The following EIPR1 variants were observed in gnomAD, a reference collection of about 807,000 sequenced individuals.
EIPR1 encodes EARP and GARP complex-interacting protein 1.
EIPR1 carries 25 observed loss-of-function variants against 48.1 expected under a neutral mutation model. The observed-to-expected ratio is 0.52, with a 90% CI of 0.38 to 0.73. EIPR1 has a LOEUF of 0.73. Ranked by LOEUF, EIPR1 falls within the 30% of genes least tolerant of loss-of-function variation. The pLI, the probability that EIPR1 is intolerant of heterozygous loss-of-function variation, is 0.00. For synonymous variants in EIPR1, 204 were observed against 201.9 expected (o/e 1.01, Z -0.09); for missense variants, 415 against 506.2 (o/e 0.82, Z 1.73).
intron 4 of EIPR1, among the ~76,000 whole-genome samples, chr2:3,256,577 GAC>G (rs764100104): frequency 6.6e-6 from 1 of 152,222 alleles, no homozygotes; most frequent in South Asian, 2.1e-4. Context: ...GTCTCTTGCA[GAC>G]ACACACGCAC....
chr2:3,189,567 G>C lies in EIPR1; in HGVS notation c.990-59C>G. On this transcript the variant is annotated intron_variant, in intron 8 of 8. Coordinates refer to ENST00000382125, the MANE Select transcript of EIPR1 (RefSeq NM_003310.5). The surrounding 1 kb of genome is among the most constrained non-coding windows in gnomAD (Gnocchi z 4.6). The stretch of plus-strand genomic sequence containing the variant: ...AGCTCCGGCGGGGCGGGCAGGAGAG[G>C]GGCAGGGAGGACGCGAGCGCTGACA... 3 of 1,455,230 alleles carry C rather than the reference G, an allele frequency of 2.1e-6. No homozygotes were observed. Among genetic ancestry groups the C allele is most frequent in the East Asian group, 5.0e-5 (2 of 39,768 alleles). 90.1% of individuals were successfully genotyped at this position (1,455,230 alleles called of 1,614,324 possible).
chr2:3,314,955 G>A (rs1267062981), intron 3 of EIPR1, among the ~76,000 whole-genome samples: 5 of 151,834 alleles, frequency 3.3e-5, no homozygotes, highest in Non-Finnish European at 2.9e-5. Context: ...CTGCCCTGGC[G>A]GTGTCCACAC....
At chr2:3,323,079 T>C (rs2103327886) in intron 3 of EIPR1, among the ~76,000 whole-genome samples, 1 of 150,660 alleles carries the variant, frequency 6.6e-6, no homozygotes, top group Middle Eastern at 3.4e-3. Flanking sequence ...AAGCTAATCT[T>C]ATATTACAGT....
intron 3 of EIPR1, among the ~76,000 whole-genome samples, chr2:3,302,515 G>C (rs1199238119): frequency 6.6e-6 from 1 of 152,198 alleles, no homozygotes; most frequent in African/African-American, 2.4e-5. Context: ...GTTCTTTTCT[G>C]TTGGCTGCTT....
At chr2:3,204,512 T>C (rs2103120389) in intron 5 of EIPR1, among the ~76,000 whole-genome samples, 1 of 152,310 alleles carries the variant, frequency 6.6e-6, no homozygotes, top group South Asian at 2.1e-4. Flanking sequence ...GTGCAATGCA[T>C]GCAGTAATCT....
intron 3 of EIPR1, among the ~76,000 whole-genome samples, chr2:3,266,233 C>A (rs1667482782): frequency 6.6e-6 from 1 of 152,198 alleles, no homozygotes; most frequent in South Asian, 2.1e-4. Flanking sequence ...TGATCCCCAG[C>A]TGGAGGAGGA....
Position 3,189,142 on chromosome 2 carries a change from GGCATTAGC to G in EIPR1, c.*184_*191del. 2.1e-6 allele frequency: 1 copy of G among 477,730 alleles called. No homozygotes were observed. Among genetic ancestry groups the G allele is most frequent in the Non-Finnish European group, 3.5e-6 (1 of 282,668 alleles). 29.6% of individuals were successfully genotyped at this position (477,730 alleles called of 1,614,324 possible). ...TCTCTGCCGACAGGGGCTGGGTTCG[GGCATTAGC>G]TGTGCCGTCGACAATAGCCCCATTC... On this transcript the variant is annotated 3_prime_UTR_variant, in exon 9 of 9. Transcript: ENST00000382125. The surrounding 1 kb of genome is among the most constrained non-coding windows in gnomAD (Gnocchi z 4.6).
At chr2:3,352,849 T>G (rs1003268421) in intron 2 of EIPR1, among the ~76,000 whole-genome samples, 2 of 152,052 alleles carry the variant, frequency 1.3e-5, no homozygotes, top group African/African-American at 4.8e-5. Flanking sequence ...ATACAAAAAT[T>G]AGCTGGGCGT....
chr2:3,374,641 A>G, intron 1 of EIPR1, among the ~76,000 whole-genome samples: 1 of 151,758 alleles, frequency 6.6e-6, no homozygotes, highest in East Asian at 1.9e-4. Flanking sequence ...GCTCATCATC[A>G]CTGGCCATCA....
intron 3 of EIPR1, chr2:3,282,467 T>C (rs1668041533): frequency 6.6e-6 from 1 of 152,310 alleles, no homozygotes; most frequent in Non-Finnish European, 1.5e-5. Context: ...TGCATAAACA[T>C]ACCCAGATTG....
intron 4 of EIPR1, among the ~76,000 whole-genome samples, chr2:3,229,555 GTCTTT>G (rs1192208983): frequency 2.6e-5 from 4 of 152,200 alleles, no homozygotes; most frequent in Admixed American, 2.6e-4. Flanking sequence ...TTAATGCTGT[GTCTTT>G]TCTTACATTT....
chr2:3,356,108 A>G (rs551160290), intron 1 of EIPR1, among the ~76,000 whole-genome samples: 4 of 152,342 alleles, frequency 2.6e-5, no homozygotes, highest in East Asian at 1.9e-4. Context: ...AGCCAATCCA[A>G]TGGGGAGCTC....
rs1163321168 is a variant in EIPR1, at chr2:3,286,761, G to A, written c.260-29306C>T. ...CATCCTCCCAGCAGCTCCAAGAGGC[G>A]GAGCTATCAATTTCACATACAGACA... is the stretch of plus-strand genomic sequence containing the variant. On this transcript the variant is annotated intron_variant, in intron 3 of 8. Coordinates refer to ENST00000382125, the MANE Select transcript of EIPR1 (RefSeq NM_003310.5). This position sits in a 1 kb window ranked among gnomAD's most constrained non-coding sequence, Gnocchi z 4.2. 2.0e-5 allele frequency among the ~76,000 whole-genome samples: 3 copies of A among 152,202 alleles called. No individual in the cohort carries two copies. The highest frequency in any genetic ancestry group is 6.5e-5 in the Admixed American group (1 of 15,284).
intron 3 of EIPR1, among the ~76,000 whole-genome samples, chr2:3,336,489 C>T (rs940370941): frequency 2.0e-5 from 3 of 152,120 alleles, no homozygotes; most frequent in Non-Finnish European, 4.4e-5. Context: ...GAAGAAGGGC[C>T]GGGCGCAGTG....
At chr2:3,210,564 G>T (rs138407532) in intron 5 of EIPR1, among the ~76,000 whole-genome samples, 15 of 152,140 alleles carry the variant, frequency 9.9e-5, no homozygotes, top group East Asian at 7.7e-4. Context: ...GCGAGTCGAG[G>T]AGGTCCCGGT....
intron 1 of EIPR1, among the ~76,000 whole-genome samples, chr2:3,362,056 A>G (rs950533725): frequency 1.2e-4 from 19 of 152,212 alleles, no homozygotes; most frequent in African/African-American, 4.6e-4. Flanking sequence ...GTGCCCAGGC[A>G]CATCCTAAAC....
chr2:3,354,755 G>T (rs896145453), intron 1 of EIPR1, 122 bp from the exon 2 acceptor site: 2 of 1,085,550 alleles, frequency 1.8e-6, no homozygotes, highest in Middle Eastern at 2.2e-4. Flanking sequence ...TTAGTACAGA[G>T]TGTCTGGAAA....
intron 4 of EIPR1, among the ~76,000 whole-genome samples, chr2:3,242,353 G>A (rs1401087275): frequency 1.5e-4 from 2 of 13,686 alleles, no homozygotes; most frequent in Admixed American, 1.2e-3. Context: ...TCAGGCCCCC[G>A]ACTCCACACC....
chr2:3,246,416 C>T (rs925772257), intron 4 of EIPR1, among the ~76,000 whole-genome samples: 5 of 152,202 alleles, frequency 3.3e-5, no homozygotes, highest in African/African-American at 1.2e-4. Flanking sequence ...TGCTTTCCTT[C>T]CCCCTGCCTC....
Sources: allele counts gnomAD v4.1 joint callset (sites outside exome capture counted in the v4.1 genomes callset), GRCh38; gene constraint gnomAD v4.1.1; non-coding constraint Gnocchi (gnomAD v3.1); transcripts MANE v1.5; gene names NCBI Gene and HGNC (gene_info 2026-07-23, HGNC 2026-07-21).